The following WWTR1 variants were observed in gnomAD, a reference collection of about 807,000 sequenced individuals.
The protein encoded by WWTR1 is WW domain containing transcription regulator 1.
Under a neutral mutation model 40.1 loss-of-function variants are expected in WWTR1, and 13 were observed. That is an observed-to-expected ratio of 0.32 (90% CI 0.21 to 0.52). The LOEUF (loss-of-function observed/expected upper bound fraction) is 0.52. Ranked by LOEUF, WWTR1 falls within the 20% of genes least tolerant of loss-of-function variation. The pLI, the probability that WWTR1 is intolerant of heterozygous loss-of-function variation, is 0.97. For synonymous variants in WWTR1, 230 were observed against 210.1 expected, an observed-to-expected ratio of 1.09 and a Z score of -0.82; for missense variants, 436 against 523.1, an observed-to-expected ratio of 0.83 and a Z score of 1.63.
intron 4 of WWTR1, among the ~76,000 whole-genome samples, chr3:149,720,034 A>G (rs1198454999): frequency 6.6e-6 from 1 of 152,222 alleles, no homozygotes; most frequent in East Asian, 1.9e-4. Context: ...CTTATCAGAT[A>G]TATGACGTGT....
intron 3 of WWTR1, among the ~76,000 whole-genome samples, chr3:149,552,997 A>G (rs761932993): frequency 1.3e-5 from 2 of 152,184 alleles, no homozygotes; most frequent in Non-Finnish European, 2.9e-5. Context: ...TTTAAAACAC[A>G]TTGAACAGGG....
chr3:149,543,301 G>A (rs1351782069), intron 3 of WWTR1, among the ~76,000 whole-genome samples: 3 of 151,672 alleles, frequency 2.0e-5, no homozygotes, highest in Admixed American at 6.6e-5. Flanking sequence ...TTCACTTTAC[G>A]GCCAGGAGCA....
chr3:149,651,667 C>CA (rs750258210), intron 2 of WWTR1, among the ~76,000 whole-genome samples: 35 of 151,946 alleles, frequency 2.3e-4, no homozygotes, highest in Non-Finnish European at 4.0e-4. Context: ...AGTGAGAAAA[C>CA]AAAAAATCCC....
At chr3:149,681,980 G>A (rs1426808455) in intron 1 of WWTR1, among the ~76,000 whole-genome samples, 1 of 152,170 alleles carries the variant, frequency 6.6e-6, no homozygotes, top group African/African-American at 2.4e-5. Context: ...TGTGCCTATA[G>A]TTGACAATAT....
intron 1 of WWTR1, among the ~76,000 whole-genome samples, chr3:149,682,580 G>A (rs1048955389): frequency 1.3e-5 from 2 of 152,102 alleles, no homozygotes; most frequent in Non-Finnish European, 2.9e-5. Flanking sequence ...CCCCAGCTTG[G>A]ACTGCATCAT....
intron 2 of WWTR1, among the ~76,000 whole-genome samples, chr3:149,663,640 G>A (rs1296933484): frequency 6.6e-6 from 1 of 152,114 alleles, no homozygotes; most frequent in African/African-American, 2.4e-5. Flanking sequence ...AGGCTGCAGT[G>A]AGCCGAGATC....
chr3:149,597,946 C>T (rs1739075624), intron 2 of WWTR1, among the ~76,000 whole-genome samples: 1 of 152,166 alleles, frequency 6.6e-6, no homozygotes, highest in African/African-American at 2.4e-5. Flanking sequence ...TAAGCTCCAC[C>T]CTTTTATAAA....
At position 149,552,317 on chromosome 3, in the gene WWTR1, G is replaced by A. The variant is rs1480589056; in HGVS notation, c.569-9780C>T. Among the ~76,000 whole-genome samples the A allele has an allele frequency of 4.6e-5, 7 of 151,438 alleles. 1 individual carries two copies. Among genetic ancestry groups the A allele is most frequent in the Non-Finnish European group, 5.9e-5 (4 of 67,916 alleles). ...TTAGTGCATTTCAAATCTGATTAAGGCACAGAGTAGGCACTAAATACATTC... is the reference window on the plus strand; with the variant it reads ...TTAGTGCATTTCAAATCTGATTAAGACACAGAGTAGGCACTAAATACATTC... On this transcript the variant is annotated intron_variant, in intron 3 of 6. Coordinates refer to ENST00000360632, the MANE Select transcript of WWTR1 (RefSeq NM_015472.6).
chr3:149,540,052 C>T (rs1736015829), intron 4 of WWTR1, among the ~76,000 whole-genome samples: 1 of 149,648 alleles, frequency 6.7e-6, no homozygotes, highest in Admixed American at 6.8e-5. Flanking sequence ...CAGAACCAAC[C>T]ACTCCACCAT....
At chr3:149,586,981 G>A (rs547714368) in intron 2 of WWTR1, among the ~76,000 whole-genome samples, 1 of 152,320 alleles carries the variant, frequency 6.6e-6, no homozygotes, top group South Asian at 2.1e-4. Context: ...CTGTTCATCT[G>A]AATCCCTTGT....
chr3:149,691,184 T>C (rs1714815285), intron 1 of WWTR1, among the ~76,000 whole-genome samples: 1 of 151,582 alleles, frequency 6.6e-6, no homozygotes, highest in Non-Finnish European at 1.5e-5. Flanking sequence ...AAGAGGAAAG[T>C]TTATAGCAAT....
intron 2 of WWTR1, among the ~76,000 whole-genome samples, chr3:149,583,028 C>A (rs1738227182): frequency 6.6e-6 from 1 of 152,072 alleles, no homozygotes; most frequent in African/African-American, 2.4e-5. Context: ...TGAAGTGGCA[C>A]AATCTTGGTT....
chr3:149,693,470 GA>G (rs71138405), intron 1 of WWTR1, among the ~76,000 whole-genome samples: 1 of 151,330 alleles, frequency 6.6e-6, no homozygotes, highest in Non-Finnish European at 1.5e-5. Context: ...CACATAAACA[GA>G]AAAAAAAATC....
intron 1 of WWTR1, among the ~76,000 whole-genome samples, chr3:149,670,448 T>C (rs1559836184): frequency 6.6e-6 from 1 of 151,960 alleles, no homozygotes; most frequent in African/African-American, 2.4e-5. Context: ...TCCTTCACTA[T>C]CTACTCTAAG....
intron 2 of WWTR1, among the ~76,000 whole-genome samples, chr3:149,607,917 G>A (rs192185100): frequency 2.4e-4 from 37 of 152,260 alleles, no homozygotes; most frequent in Non-Finnish European, 4.1e-4. Context: ...TGAAAAGTAC[G>A]AATAAAACCA....
intron 2 of WWTR1, among the ~76,000 whole-genome samples, chr3:149,648,630 A>G (rs775151692): frequency 6.6e-6 from 1 of 152,172 alleles, no homozygotes; most frequent in Non-Finnish European, 1.5e-5. Flanking sequence ...GCAGGGAAAT[A>G]ATGTTCCAGG....
intron 1 of WWTR1, among the ~76,000 whole-genome samples, chr3:149,693,499 C>T (rs1048670763): frequency 1.3e-5 from 2 of 151,936 alleles, no homozygotes; most frequent in Non-Finnish European, 2.9e-5. Flanking sequence ...GTATATGGAA[C>T]CACCAAAGAC....
intron 2 of WWTR1, among the ~76,000 whole-genome samples, chr3:149,597,670 T>C (rs1374490265): frequency 6.6e-6 from 1 of 152,050 alleles, no homozygotes; most frequent in East Asian, 1.9e-4. Context: ...CATTTGAAGA[T>C]AGACTCATTA....
chr3:149,562,291 T>C (rs1737118130), intron 3 of WWTR1, among the ~76,000 whole-genome samples: 1 of 141,590 alleles, frequency 7.1e-6, no homozygotes, highest in Non-Finnish European at 1.5e-5. Context: ...CGAGATTCTG[T>C]CTCAAAAAAA....
Sources: gnomAD v4.1 joint callset for allele counts (sites outside exome capture counted in the v4.1 genomes callset) on GRCh38, gnomAD v4.1.1 for gene constraint, MANE v1.5 for transcripts, NCBI Gene and HGNC (gene_info 2026-07-23, HGNC 2026-07-21) for gene names.